Variants in CDH8 observed in about 807,000 individuals in gnomAD.
The protein encoded by CDH8 is cadherin-8.
A neutral mutation model predicts 68.1 loss-of-function variants in CDH8; 17 were observed. That is an observed-to-expected ratio of 0.25 (90% CI 0.17 to 0.37). The LOEUF is 0.37. Ranked by LOEUF, CDH8 falls within the 10% of genes least tolerant of loss-of-function variation. CDH8 has a pLI of 1.00. For synonymous variants in CDH8, 372 were observed against 365.1 expected (o/e 1.02, Z -0.21); for missense variants, 763 against 999.3 (o/e 0.76, Z 3.19).
chr16:61,820,841 C>T (rs769505518), intron 6 of CDH8, 85 bp downstream of exon 6: 3 of 1,155,222 alleles, frequency 2.6e-6, no homozygotes, highest in Non-Finnish European at 3.8e-6. Context: ...GCAATTCTGC[C>T]AGGAACTCCA....
rs116973848 is a variant in CDH8 at position 61,659,127 on chromosome 16, C to A, written c.1655-3406G>T. Among the ~76,000 whole-genome samples the A allele has an allele frequency of 8.8e-4, 134 of 152,268 alleles. 2 individuals carry two copies. The East Asian group carries it at 0.023, about 26-fold the overall frequency. ...TAAAAGCGAATCTTATTAGAGAATT[C>A]CATTTCAGCATGATAGAAAAGGAGC... On this transcript the variant is annotated intron_variant, in intron 10 of 11. Transcript: ENST00000577390.
intron 11 of CDH8, 106 bp downstream of exon 11, chr16:61,655,364 C>G: frequency 9.0e-7 from 1 of 1,115,918 alleles, no homozygotes; most frequent in South Asian, 1.5e-5. Context: ...TTCCTCTTCC[C>G]CAACGGAATG....
Position 61,653,818 on chromosome 16 carries a change from A to G in CDH8, c.2190T>C (p.His730=). Residue 730 remains histidine, a synonymous_variant, in exon 12 of 12, where the codon CAT becomes CAC. Transcript: ENST00000577390. ...DVDEFINVRL[H]EADNDPTAPP... is the part of the protein sequence containing the mutation. ...GGGCCGTGGGATCATTATCTGCCTC[A>G]TGCAGCCTTACATTTATAAATTCAT... The G allele has an allele frequency of 1.9e-6, 3 of 1,614,224 alleles. No homozygotes were observed. Among genetic ancestry groups the G allele is most frequent in the South Asian group, 2.2e-5 (2 of 91,092 alleles).
intron 7 of CDH8, among the ~76,000 whole-genome samples, chr16:61,794,296 C>G (rs1430722811): frequency 6.6e-6 from 1 of 151,936 alleles, no homozygotes; most frequent in Non-Finnish European, 1.5e-5. Context: ...ACAAAAAACA[C>G]GGGTCCACAG....
chr16:61,652,279 A>G lies in CDH8; in HGVS notation c.*1329T>C. Reference sequence around the variant, plus strand: ...CATGAAGATCAGGGATAGGAGTGCTAAAAACGTAAACAGTGAAATTATGTA... The same window carrying G: ...CATGAAGATCAGGGATAGGAGTGCTGAAAACGTAAACAGTGAAATTATGTA... On this transcript the variant is annotated 3_prime_UTR_variant, in exon 12 of 12. Transcript: ENST00000577390. The G allele has an allele frequency of 1.0e-6, 1 of 985,182 alleles. No individual in the cohort carries two copies. Among genetic ancestry groups the G allele is most frequent in the East Asian group, 1.1e-4 (1 of 8,794 alleles). The allele number at this position is 985,182 out of a possible 1,614,324, so 61.0% of individuals were successfully genotyped here.
intron 2 of CDH8, among the ~76,000 whole-genome samples, chr16:62,001,672 T>A (rs1848818): frequency 0.52 from 79,314 of 151,722 alleles, 21,772 homozygotes; most frequent in East Asian, 0.72. Context: ...AAACCGGTTT[T>A]TTATTATTAT....
intron 3 of CDH8, among the ~76,000 whole-genome samples, chr16:61,872,554 TGCAGATGAAGCTTCCAGGTAGCAG>T (rs1365394017): frequency 2.6e-5 from 4 of 152,194 alleles, no homozygotes; most frequent in Non-Finnish European, 4.4e-5. Flanking sequence ...AGTTTTATCA[TGCAGATGAAGCTTCCAGGTAGCAG>T]GCTTCAGAGA....
At chr16:61,715,335 A>T (rs1287321309) in intron 9 of CDH8, among the ~76,000 whole-genome samples, 1 of 151,662 alleles carries the variant, frequency 6.6e-6, no homozygotes, top group Non-Finnish European at 1.5e-5. Flanking sequence ...TAAGCTTCCC[A>T]GATAAGATAA....
At chr16:61,918,155 T>C (rs1964279631) in intron 2 of CDH8, 1 of 151,946 alleles carries the variant, frequency 6.6e-6, no homozygotes, top group Non-Finnish European at 1.5e-5. Flanking sequence ...TGTCTTTCAT[T>C]ATGCAGTAAA....
intron 1 of CDH8, among the ~76,000 whole-genome samples, chr16:62,031,200 T>C (rs918985892): frequency 6.6e-6 from 1 of 152,214 alleles, no homozygotes; most frequent in Non-Finnish European, 1.5e-5. Context: ...CTGAATTATG[T>C]CATTTTTTAT....
Position 61,801,303 on chromosome 16 carries a change from C to A in CDH8, c.1278-11821G>T, listed in dbSNP as rs146626707. ...ATAATATTTCAGGCAACTTAACTTG[C>A]CACTATGAGGTTTGCATCTCAAAAT... On this transcript the variant is annotated intron_variant, in intron 7 of 11. Transcript: ENST00000577390. 2.4e-3 allele frequency among the ~76,000 whole-genome samples: 365 copies of A among 152,274 alleles called. 1 individual carries two copies. The highest frequency in any genetic ancestry group is 3.5e-3 in the Non-Finnish European group (237 of 68,020).
At chr16:61,794,270 T>C (rs1961448080) in intron 7 of CDH8, among the ~76,000 whole-genome samples, 1 of 151,922 alleles carries the variant, frequency 6.6e-6, no homozygotes. Flanking sequence ...GCCACTCATA[T>C]ACCCATAATC....
intron 2 of CDH8, among the ~76,000 whole-genome samples, chr16:61,979,732 C>CT: frequency 6.6e-6 from 1 of 152,036 alleles, no homozygotes; most frequent in Middle Eastern, 3.4e-3. Flanking sequence ...TTCAGAAATG[C>CT]TTTAAGACTA....
intron 8 of CDH8, among the ~76,000 whole-genome samples, chr16:61,748,807 A>C (rs1293917753): frequency 6.6e-6 from 1 of 152,038 alleles, no homozygotes; most frequent in Non-Finnish European, 1.5e-5. Context: ...ATGAAAATGA[A>C]ACAAGACCTC....
intron 2 of CDH8, among the ~76,000 whole-genome samples, chr16:61,961,876 A>G (rs1212431268): frequency 6.6e-6 from 1 of 152,216 alleles, no homozygotes; most frequent in African/African-American, 2.4e-5. Context: ...AGGGGTCCGA[A>G]GCCCCATTCT....
intron 8 of CDH8, among the ~76,000 whole-genome samples, chr16:61,747,078 G>A (rs565207595): frequency 2.6e-5 from 4 of 152,120 alleles, no homozygotes; most frequent in South Asian, 2.1e-4. Flanking sequence ...GGATATATGC[G>A]AATGTAAACA....
chr16:61,706,620 C>CAAAAAAAAAAAAAAAAAAAAAAAAAAA, intron 10 of CDH8, among the ~76,000 whole-genome samples: 1 of 60,402 alleles, frequency 1.7e-5, no homozygotes, highest in Non-Finnish European at 3.0e-5. Context: ...GACTCTGTCT[C>CAAAAAAAAAAAAAAAAAAAAAAAAAAA]AAAAAAAAAA....
intron 10 of CDH8, among the ~76,000 whole-genome samples, chr16:61,710,268 C>T (rs1964607033): frequency 6.6e-6 from 1 of 151,968 alleles, no homozygotes; most frequent in Non-Finnish European, 1.5e-5. Context: ...TCGATACTTC[C>T]AGAAGATAAA....
intron 2 of CDH8, among the ~76,000 whole-genome samples, chr16:61,983,570 T>C (rs1344868409): frequency 2.0e-5 from 3 of 152,240 alleles, no homozygotes; most frequent in South Asian, 2.1e-4. Flanking sequence ...CTATCAGTTA[T>C]AAGAATTCAC....
Sources: allele counts gnomAD v4.1 joint callset (sites outside exome capture counted in the v4.1 genomes callset), GRCh38; gene constraint gnomAD v4.1.1; transcripts MANE v1.5; gene names NCBI Gene and HGNC (gene_info 2026-07-23, HGNC 2026-07-21).